Variants in ASIC2 observed in about 807,000 individuals in gnomAD.
ASIC2 encodes the protein acid-sensing ion channel 2.
A neutral mutation model predicts 57.3 loss-of-function variants in ASIC2; 25 were observed. That is an observed-to-expected ratio of 0.44 (90% CI 0.32 to 0.61). ASIC2 has a LOEUF of 0.61. Among genes scored for constraint, ASIC2 ranks in the 20% least tolerant of loss-of-function variants. The pLI is 0.06. For synonymous variants in ASIC2, 319 were observed against 307.5 expected, an observed-to-expected ratio of 1.04 and a Z score of -0.39; for missense variants, 641 against 738.1, an observed-to-expected ratio of 0.87 and a Z score of 1.52.
At chr17:33,491,811 G>A (rs888288403) in intron 1 of ASIC2, among the ~76,000 whole-genome samples, 1 of 152,228 alleles carries the variant, frequency 6.6e-6, no homozygotes, top group Non-Finnish European at 1.5e-5. Context: ...TGGTCAGCCT[G>A]CTGCGCTTAA....
intron 1 of ASIC2, among the ~76,000 whole-genome samples, chr17:33,811,934 G>C (rs1318711191): frequency 1.3e-5 from 2 of 152,154 alleles, no homozygotes; most frequent in African/African-American, 4.8e-5. Flanking sequence ...TCAAGACCTA[G>C]TTTAAGGGTC....
At chr17:33,363,545 C>T (rs1908690893) in intron 1 of ASIC2, among the ~76,000 whole-genome samples, 1 of 152,224 alleles carries the variant, frequency 6.6e-6, no homozygotes, top group East Asian at 1.9e-4. Context: ...AACAGCTGGA[C>T]ACACCTGGGT....
intron 1 of ASIC2, among the ~76,000 whole-genome samples, chr17:33,524,965 T>A (rs1914844661): frequency 1.3e-5 from 2 of 152,208 alleles, no homozygotes; most frequent in South Asian, 2.1e-4. Flanking sequence ...GGGAATGTGA[T>A]TCCAGGGCAC....
At chr17:33,746,311 T>A (rs1910256945) in intron 1 of ASIC2, among the ~76,000 whole-genome samples, 1 of 150,120 alleles carries the variant, frequency 6.7e-6, no homozygotes, top group Non-Finnish European at 1.5e-5. Flanking sequence ...TGTATATACA[T>A]GTACACATAT....
intron 1 of ASIC2, among the ~76,000 whole-genome samples, chr17:33,689,924 C>T (rs1036375803): frequency 6.6e-6 from 1 of 152,228 alleles, no homozygotes; most frequent in African/African-American, 2.4e-5. Context: ...ACCCTGGAGC[C>T]TCCAGAGGGC....
chr17:33,410,570 C>T (rs1030121139), intron 1 of ASIC2, among the ~76,000 whole-genome samples: 5 of 152,320 alleles, frequency 3.3e-5, no homozygotes, highest in African/African-American at 9.6e-5. Context: ...TCGTCTCCAG[C>T]CTCCCAGCCC....
At chr17:33,475,057 C>T (rs1437708084) in intron 1 of ASIC2, among the ~76,000 whole-genome samples, 2 of 152,150 alleles carry the variant, frequency 1.3e-5, no homozygotes, top group African/African-American at 4.8e-5. Flanking sequence ...TGCACATTTT[C>T]CTAAATACTC....
intron 1 of ASIC2, among the ~76,000 whole-genome samples, chr17:33,820,033 A>G (rs1229423215): frequency 6.6e-6 from 1 of 152,180 alleles, no homozygotes; most frequent in Non-Finnish European, 1.5e-5. Flanking sequence ...TGCAGTCAGA[A>G]ACGAGACAAT....
intron 1 of ASIC2, among the ~76,000 whole-genome samples, chr17:33,874,560 C>T (rs992092550): frequency 3.9e-5 from 6 of 152,242 alleles, no homozygotes; most frequent in Non-Finnish European, 7.3e-5. Flanking sequence ...GGCTTAACCT[C>T]GTCTGGAACT....
chr17:33,669,587 A>G (rs933370055), intron 1 of ASIC2, among the ~76,000 whole-genome samples: 14 of 152,208 alleles, frequency 9.2e-5, no homozygotes, highest in African/African-American at 3.4e-4. Context: ...CTCTCTAGCT[A>G]CACCACTGAC....
chr17:33,427,736 G>T (rs1911266938), intron 1 of ASIC2, among the ~76,000 whole-genome samples: 1 of 152,170 alleles, frequency 6.6e-6, no homozygotes, highest in African/African-American at 2.4e-5. Context: ...AGAGATACCT[G>T]GTATGGAGCT....
chr17:33,993,720 G>A (rs1271176958), intron 1 of ASIC2, among the ~76,000 whole-genome samples: 1 of 142,454 alleles, frequency 7.0e-6, no homozygotes, highest in Non-Finnish European at 1.5e-5. Context: ...ACTGGAAGTG[G>A]GAGAGAACTG....
intron 1 of ASIC2, among the ~76,000 whole-genome samples, chr17:34,051,341 C>T (rs1047289908): frequency 6.6e-6 from 1 of 152,154 alleles, no homozygotes; most frequent in Non-Finnish European, 1.5e-5. Context: ...GATCTGTTCT[C>T]GGAACACTTG....
intron 1 of ASIC2, among the ~76,000 whole-genome samples, chr17:33,481,081 T>C (rs1269594231): frequency 2.6e-5 from 4 of 152,218 alleles, no homozygotes; most frequent in Admixed American, 2.6e-4. Context: ...TTCATCTCTC[T>C]TGTGCCTGTC....
At chr17:33,955,629 G>A (rs948968519) in intron 1 of ASIC2, 1 of 152,282 alleles carries the variant, frequency 6.6e-6, no homozygotes, top group Non-Finnish European at 1.5e-5. Flanking sequence ...CCAGCTGGCA[G>A]GCACCTTCTT....
intron 1 of ASIC2, among the ~76,000 whole-genome samples, chr17:33,225,749 C>T (rs1195834323): frequency 6.6e-6 from 1 of 152,112 alleles, no homozygotes; most frequent in Non-Finnish European, 1.5e-5. Flanking sequence ...GCTCCTGGGG[C>T]TAAGGCAACA....
intron 1 of ASIC2, among the ~76,000 whole-genome samples, chr17:33,254,171 G>T (rs1908977880): frequency 6.6e-6 from 1 of 152,162 alleles, no homozygotes; most frequent in Non-Finnish European, 1.5e-5. Context: ...CTATTCCAGA[G>T]GTGGCTCTGG....
intron 1 of ASIC2, among the ~76,000 whole-genome samples, chr17:34,149,579 G>C (rs1214257534): frequency 6.6e-6 from 1 of 152,214 alleles, no homozygotes; most frequent in African/African-American, 2.4e-5. Context: ...TGACAGCTAT[G>C]TGCTAAGCAA....
intron 1 of ASIC2, among the ~76,000 whole-genome samples, chr17:33,921,152 T>A (rs1915701440): frequency 6.6e-6 from 1 of 152,188 alleles, no homozygotes. Flanking sequence ...TTGAGGAGTA[T>A]AATGGTTGAT....
Sources: allele counts gnomAD v4.1 joint callset (sites outside exome capture counted in the v4.1 genomes callset), GRCh38; gene constraint gnomAD v4.1.1; transcripts MANE v1.5; gene names NCBI Gene and HGNC (gene_info 2026-07-23, HGNC 2026-07-21).